AHCYL2: variants seen among roughly 807,000 people sequenced by gnomAD.
The protein encoded by AHCYL2 is adenosylhomocysteinase like 2.
In AHCYL2, 28 loss-of-function variants were observed where a neutral mutation model predicts 81.4. The observed-to-expected ratio is 0.34, with a 90% CI of 0.25 to 0.47. The LOEUF is 0.47. Ranked by LOEUF, AHCYL2 falls within the 20% of genes least tolerant of loss-of-function variation. The pLI, the probability that AHCYL2 is intolerant of heterozygous loss-of-function variation, is 1.00. For synonymous variants in AHCYL2, 272 were observed against 290.2 expected, an observed-to-expected ratio of 0.94 and a Z score of 0.64; for missense variants, 551 against 785.1, an observed-to-expected ratio of 0.70 and a Z score of 3.56.
chr7:129,418,468 T>C (rs903472687), intron 12 of AHCYL2, among the ~76,000 whole-genome samples: 1 of 152,054 alleles, frequency 6.6e-6, no homozygotes, highest in Non-Finnish European at 1.5e-5. Flanking sequence ...CCTGGCAGAT[T>C]TTTTGTGTTT....
At chr7:129,379,234 C>T (rs530174919) in intron 1 of AHCYL2, among the ~76,000 whole-genome samples, 41 of 150,196 alleles carry the variant, frequency 2.7e-4, no homozygotes, top group Non-Finnish European at 5.0e-4. Flanking sequence ...GAGCCGAGAT[C>T]GTGCCACCGC....
At chr7:129,247,603 C>CT (rs35801870) in intron 1 of AHCYL2, among the ~76,000 whole-genome samples, 139,991 of 150,324 alleles carry the variant, frequency 0.93, 65,966 homozygotes, top group Non-Finnish European at 1. Flanking sequence ...ATAGATTGTA[C>CT]TTTTTTTTTC....
rs192438769 is a variant in AHCYL2 at position 129,381,601 on chromosome 7, C to T, written c.475+1852C>T. ...AGAACTTAAAGATCTCATTCTGCTT[C>T]CCTCTAATTGCTGACCTCTTTGGAA... On this transcript the variant is annotated intron_variant, in intron 2 of 16. Transcript: ENST00000325006. 2.0e-5 allele frequency among the ~76,000 whole-genome samples: 3 copies of T among 152,298 alleles called. No individual in the cohort carries two copies. The East Asian group carries it at 5.8e-4, about 29-fold the overall frequency.
At chr7:129,369,044 C>G (rs1161237768) in intron 1 of AHCYL2, among the ~76,000 whole-genome samples, 1 of 152,182 alleles carries the variant, frequency 6.6e-6, no homozygotes, top group Non-Finnish European at 1.5e-5. Context: ...TATTTCCCCC[C>G]CAGCTATCCT....
At chr7:129,346,871 G>T (rs1488729169) in intron 1 of AHCYL2, among the ~76,000 whole-genome samples, 1 of 152,086 alleles carries the variant, frequency 6.6e-6, no homozygotes, top group African/African-American at 2.4e-5. Context: ...GCCGAAATTT[G>T]GAAGCAATTT....
chr7:129,364,305 T>G (rs1211777878), intron 1 of AHCYL2, among the ~76,000 whole-genome samples: 2 of 152,200 alleles, frequency 1.3e-5, no homozygotes, highest in African/African-American at 4.8e-5. Flanking sequence ...TATTATTTTT[T>G]AATTTTTGAG....
intron 1 of AHCYL2, among the ~76,000 whole-genome samples, chr7:129,258,901 G>A (rs901983050): frequency 1.3e-5 from 2 of 152,176 alleles, no homozygotes; most frequent in Non-Finnish European, 2.9e-5. Context: ...AGTTGAGAGC[G>A]TGAGCACTTG....
chr7:129,409,058 G>T (rs976657968), intron 10 of AHCYL2, among the ~76,000 whole-genome samples: 1 of 151,562 alleles, frequency 6.6e-6, no homozygotes, highest in Non-Finnish European at 1.5e-5. Flanking sequence ...CTGCACTCCA[G>T]CCTGGGCAGC....
At chr7:129,313,449 C>T (rs539124977) in intron 1 of AHCYL2, among the ~76,000 whole-genome samples, 1 of 152,214 alleles carries the variant, frequency 6.6e-6, no homozygotes, top group South Asian at 2.1e-4. Context: ...GTAATACCAG[C>T]CAATGTGGTT....
chr7:129,277,996 G>A (rs977938335), intron 1 of AHCYL2, among the ~76,000 whole-genome samples: 46 of 152,128 alleles, frequency 3.0e-4, no homozygotes, highest in Non-Finnish European at 4.0e-4. Context: ...TTAAGAAACC[G>A]CCAAACTGTT....
chr7:129,278,080 G>T (rs542756805), intron 1 of AHCYL2, among the ~76,000 whole-genome samples: 16 of 152,148 alleles, frequency 1.1e-4, no homozygotes, highest in Non-Finnish European at 1.3e-4. Flanking sequence ...CATTTGGTAT[G>T]GTCAGTCTTT....
intron 1 of AHCYL2, among the ~76,000 whole-genome samples, chr7:129,350,142 A>G (rs1793505522): frequency 6.6e-6 from 1 of 152,202 alleles, no homozygotes; most frequent in Non-Finnish European, 1.5e-5. Flanking sequence ...CCATTCAACA[A>G]GCATGTGAAG....
At chr7:129,327,931 C>T (rs1798281605) in intron 1 of AHCYL2, among the ~76,000 whole-genome samples, 1 of 151,646 alleles carries the variant, frequency 6.6e-6, no homozygotes. Context: ...GTAGCTGGTA[C>T]TACAGGTATG....
chr7:129,276,736 C>CAA (rs374792572), intron 1 of AHCYL2, among the ~76,000 whole-genome samples: 31,398 of 124,766 alleles, frequency 0.25, 4,724 homozygotes, highest in Non-Finnish European at 0.32. Context: ...GCAACTGTCT[C>CAA]AAAAAAAAAA....
chr7:129,358,252 C>T (rs189521838), intron 1 of AHCYL2, among the ~76,000 whole-genome samples: 28 of 151,788 alleles, frequency 1.8e-4, no homozygotes, highest in Non-Finnish European at 3.1e-4. Context: ...ATTAGCCGGG[C>T]GTGGTGGCGG....
chr7:129,379,675 A>G lies in AHCYL2; in HGVS notation c.401A>G (p.Lys134Arg). The G allele has an allele frequency of 6.2e-7, 1 of 1,614,068 alleles. No homozygotes were observed. The highest frequency in any genetic ancestry group is 8.5e-7 in the Non-Finnish European group (1 of 1,179,988). The part of the protein sequence containing the change: ...QFADQKQEFN[K>R]RPTKIGRRSL... ...GCTGACCAGAAGCAAGAATTCAACA[A>G]ACGTCCCACCAAAATTGGACGTCGC... Residue 134 changes from lysine to arginine, a missense_variant, in exon 2 of 17, where the codon AAA becomes AGA. Lys to Arg is a conservative substitution (Grantham distance 26). This residue lies in a region of AHCYL2 where 235 missense variants were observed against 242.1 expected (regional missense o/e 0.97). Coordinates refer to ENST00000325006, the MANE Select transcript of AHCYL2 (RefSeq NM_015328.4).
intron 1 of AHCYL2, among the ~76,000 whole-genome samples, chr7:129,236,750 C>G (rs766638605): frequency 6.6e-6 from 1 of 152,188 alleles, no homozygotes; most frequent in African/African-American, 2.4e-5. Context: ...GAGTATTTTT[C>G]CATCTTTGGG....
chr7:129,287,134 T>C (rs1291200652), intron 1 of AHCYL2, among the ~76,000 whole-genome samples: 1 of 152,216 alleles, frequency 6.6e-6, no homozygotes, highest in Non-Finnish European at 1.5e-5. Flanking sequence ...GCTTTTGCCT[T>C]ATCTGATGTG....
chr7:129,389,875 G>A (rs1245792801), intron 4 of AHCYL2, 141 bp downstream of exon 4: 2 of 602,852 alleles, frequency 3.3e-6, no homozygotes, highest in South Asian at 2.9e-5. Context: ...ATATAAAGCA[G>A]GTATTCTTGT....
Sources: gnomAD v4.1 joint callset for allele counts (sites outside exome capture counted in the v4.1 genomes callset) on GRCh38, gnomAD v4.1.1 for gene constraint, gnomAD v4.1.1 regional missense constraint, MANE v1.5 for transcripts, NCBI Gene and HGNC (gene_info 2026-07-23, HGNC 2026-07-21) for gene names.